Variants in FHIT observed in about 807,000 individuals in gnomAD.
FHIT encodes the protein bis(5'-adenosyl)-triphosphatase.
Under a neutral mutation model 17.9 loss-of-function variants are expected in FHIT, and 19 were observed. The observed-to-expected ratio is 1.06, with a 90% CI of 0.74 to 1.56. The LOEUF is 1.56. FHIT is among the 40% of genes most tolerant of loss of function. The pLI is 0.00. For synonymous variants in FHIT, 81 were observed against 69.7 expected (o/e 1.16, Z -0.81); for missense variants, 248 against 189.2 (o/e 1.31, Z -1.82).
chr3:60,408,016 A>G (rs942576442), intron 5 of FHIT, among the ~76,000 whole-genome samples: 3 of 152,194 alleles, frequency 2.0e-5, no homozygotes, highest in East Asian at 1.9e-4. Flanking sequence ...GGCTCTACCA[A>G]TGACAGCACA....
intron 8 of FHIT, among the ~76,000 whole-genome samples, chr3:59,802,564 C>T (rs1700040741): frequency 6.6e-6 from 1 of 151,998 alleles, no homozygotes; most frequent in Non-Finnish European, 1.5e-5. Context: ...CAGAGAACAA[C>T]CCCCTTTGAC....
intron 5 of FHIT, among the ~76,000 whole-genome samples, chr3:60,257,576 T>C (rs920938280): frequency 6.6e-6 from 1 of 152,066 alleles, no homozygotes; most frequent in Non-Finnish European, 1.5e-5. Context: ...TTCACAGTAG[T>C]AACATGGCAT....
At chr3:59,774,466 G>A (rs767096087) in intron 8 of FHIT, among the ~76,000 whole-genome samples, 1 of 152,186 alleles carries the variant, frequency 6.6e-6, no homozygotes, top group Non-Finnish European at 1.5e-5. Flanking sequence ...CTGTGCCTCA[G>A]TGTTTGTATC....
chr3:59,965,700 G>C (rs892254406), intron 7 of FHIT, among the ~76,000 whole-genome samples: 1 of 152,152 alleles, frequency 6.6e-6, no homozygotes, highest in Non-Finnish European at 1.5e-5. Flanking sequence ...ACTTTTTAAA[G>C]AGAATTAATT....
chr3:60,270,632 A>C (rs1706814086), intron 5 of FHIT, among the ~76,000 whole-genome samples: 1 of 152,232 alleles, frequency 6.6e-6, no homozygotes, highest in Non-Finnish European at 1.5e-5. Flanking sequence ...AGCCAAATGG[A>C]AGGATTTTCC....
At chr3:60,623,801 T>G (rs1407784303) in intron 4 of FHIT, among the ~76,000 whole-genome samples, 2 of 152,156 alleles carry the variant, frequency 1.3e-5, no homozygotes, top group African/African-American at 4.8e-5. Context: ...TAACCATCTA[T>G]TTGCCCAACC....
intron 5 of FHIT, among the ~76,000 whole-genome samples, chr3:60,078,662 C>T (rs4024129): frequency 0.27 from 41,070 of 151,950 alleles, 6,100 homozygotes; most frequent in African/African-American, 0.39. Flanking sequence ...TCAGTAATTA[C>T]ACTATGTTTT....
intron 3 of FHIT, among the ~76,000 whole-genome samples, chr3:60,925,320 T>G (rs1575699408): frequency 6.6e-6 from 1 of 152,140 alleles, no homozygotes. Flanking sequence ...AAAGGTCGGG[T>G]TACCCACAAA....
At chr3:59,970,919 T>TAA (rs34034432) in intron 7 of FHIT, among the ~76,000 whole-genome samples, 111 of 145,582 alleles carry the variant, frequency 7.6e-4, no homozygotes, top group East Asian at 1.8e-3. Flanking sequence ...AAGCAGGGAT[T>TAA]AAAAAAAAAA....
At chr3:60,362,850 C>A (rs1348794323) in intron 5 of FHIT, among the ~76,000 whole-genome samples, 2 of 152,078 alleles carry the variant, frequency 1.3e-5, no homozygotes, top group East Asian at 3.9e-4. Flanking sequence ...GCAGACAAAT[C>A]CCAAACAAAA....
chr3:60,742,050 A>G (rs1188232434), intron 4 of FHIT, among the ~76,000 whole-genome samples: 1 of 152,196 alleles, frequency 6.6e-6, no homozygotes, highest in Non-Finnish European at 1.5e-5. Flanking sequence ...AACAATAGTC[A>G]GACATTGCTA....
chr3:61,204,795 G>T (rs1051515624), intron 1 of FHIT, among the ~76,000 whole-genome samples: 4 of 152,204 alleles, frequency 2.6e-5, no homozygotes, highest in African/African-American at 9.6e-5. Context: ...AGCAATAATA[G>T]AAGAGAAAGT....
intron 3 of FHIT, among the ~76,000 whole-genome samples, chr3:60,933,500 T>C (rs1486251914): frequency 1.3e-5 from 2 of 152,326 alleles, no homozygotes; most frequent in Non-Finnish European, 1.5e-5. Flanking sequence ...CTTGCTACAT[T>C]TTAAAAGCTC....
intron 3 of FHIT, among the ~76,000 whole-genome samples, chr3:60,899,541 G>A (rs1553762681): frequency 6.6e-6 from 1 of 152,044 alleles, no homozygotes; most frequent in African/African-American, 2.4e-5. Flanking sequence ...GATTCATAAC[G>A]GTAAAGGCTG....
chr3:59,954,142 C>G (rs1167009450), intron 7 of FHIT, among the ~76,000 whole-genome samples: 12 of 151,404 alleles, frequency 7.9e-5, no homozygotes, highest in Admixed American at 7.9e-4. Context: ...CAGAAACCTT[C>G]ATGGGCACTT....
intron 5 of FHIT, among the ~76,000 whole-genome samples, chr3:60,170,631 C>T (rs753093801): frequency 1.3e-5 from 2 of 152,034 alleles, no homozygotes; most frequent in Non-Finnish European, 2.9e-5. Context: ...GAATTATCTT[C>T]CATATTCATA....
chr3:59,897,126 G>T (rs897931066), intron 8 of FHIT, among the ~76,000 whole-genome samples: 3 of 152,058 alleles, frequency 2.0e-5, no homozygotes, highest in Admixed American at 6.5e-5. Context: ...ATAGTCTTGG[G>T]GTATCTGTGT....
chr3:61,248,125 G>A (rs1442307904), intron 1 of FHIT, among the ~76,000 whole-genome samples: 2 of 152,206 alleles, frequency 1.3e-5, no homozygotes, highest in Non-Finnish European at 2.9e-5. Flanking sequence ...TGAAAGCAAA[G>A]TAACCTCCTA....
chr3:59,896,408 C>T (rs1455199812), intron 8 of FHIT, among the ~76,000 whole-genome samples: 2 of 152,130 alleles, frequency 1.3e-5, no homozygotes, highest in Non-Finnish European at 2.9e-5. Context: ...AATTAAACTC[C>T]AAATAGCATC....
Sources: gnomAD v4.1 joint callset for allele counts (sites outside exome capture counted in the v4.1 genomes callset) on GRCh38, gnomAD v4.1.1 for gene constraint, MANE v1.5 for transcripts, NCBI Gene and HGNC (gene_info 2026-07-23, HGNC 2026-07-21) for gene names.